PCDHGB3: variants seen among roughly 807,000 people sequenced by gnomAD.
PCDHGB3 encodes protocadherin gamma-B3.
In PCDHGB3, 40 loss-of-function variants were observed where a neutral mutation model predicts 59.2. That is an observed-to-expected ratio of 0.68 (90% CI 0.52 to 0.88). The LOEUF (loss-of-function observed/expected upper bound fraction) is 0.88, where lower values mean the gene tolerates loss of function less well. PCDHGB3 is among the 40% of genes least tolerant of loss of function. The probability of loss-of-function intolerance (pLI) is 0.00; values close to 1 mark genes in which losing one functional copy is unlikely to be tolerated. For missense variants in PCDHGB3, 1,309 were observed against 1,187.9 expected, an observed-to-expected ratio of 1.10 and a Z score of -1.50; for synonymous variants, 581 against 503.6, an observed-to-expected ratio of 1.15 and a Z score of -2.06.
At chr5:141,388,941 C>A (rs191165529) in intron 1 of PCDHGB3, 1 of 1,613,962 alleles carries the variant, frequency 6.2e-7, no homozygotes, top group South Asian at 1.1e-5. Context: ...TCTACCCAAC[C>A]TAATTATGGA....
intron 1 of PCDHGB3, among the ~76,000 whole-genome samples, chr5:141,461,958 G>C (rs1048690044): frequency 4.5e-4 from 69 of 152,272 alleles, no homozygotes; most frequent in Non-Finnish European, 2.9e-4. Context: ...TGAGTAGCTG[G>C]GATTCCAGGC....
chr5:141,374,837 C>T (rs1240795815), intron 1 of PCDHGB3: 1 of 1,613,766 alleles, frequency 6.2e-7, no homozygotes, highest in Non-Finnish European at 8.5e-7. Flanking sequence ...TGTAAGTGTT[C>T]CTGAAAACCT....
At chr5:141,441,859 G>T in intron 1 of PCDHGB3, 1 of 348,078 alleles carries the variant, frequency 2.9e-6, no homozygotes. Context: ...GGTGCTGCAC[G>T]CCGCGGAGCC....
chr5:141,436,048 T>G (rs553708148), intron 1 of PCDHGB3, among the ~76,000 whole-genome samples: 1 of 152,316 alleles, frequency 6.6e-6, no homozygotes, highest in South Asian at 2.1e-4. Context: ...TACATTAGTT[T>G]TCAAATAGAA....
intron 1 of PCDHGB3, among the ~76,000 whole-genome samples, chr5:141,482,988 G>A (rs982148755): frequency 2.6e-5 from 4 of 152,112 alleles, no homozygotes; most frequent in South Asian, 2.1e-4. Context: ...GAGAGGTCGA[G>A]GCAGGAGAAT....
chr5:141,427,775 G>A (rs768191014), intron 1 of PCDHGB3: 35 of 1,424,948 alleles, frequency 2.5e-5, no homozygotes, highest in Non-Finnish European at 2.9e-5. Context: ...TGGAGCTGCG[G>A]GCACTGTCGT....
intron 1 of PCDHGB3, chr5:141,393,579 C>A: frequency 6.2e-7 from 1 of 1,613,888 alleles, no homozygotes; most frequent in South Asian, 1.1e-5. Flanking sequence ...TGAGAACATG[C>A]CCCCAGGCAC....
In PCDHGB3 at chr5:141,477,406, A is replaced by G. The variant is rs1004061582; in HGVS notation, c.2416-17401A>G. The G allele has an allele frequency of 6.2e-7, 1 of 1,614,154 alleles. No individual in the cohort carries two copies. Among genetic ancestry groups the G allele is most frequent in the Non-Finnish European group, 8.5e-7 (1 of 1,180,040 alleles). The stretch of plus-strand genomic sequence containing the variant: ...AATACAACCTCAGCATCACCGCCCG[A>G]GACGCCGGAACCCCTTCCCTCTCAG... On this transcript the variant is annotated intron_variant, in intron 1 of 3. Transcript: ENST00000576222. The surrounding 1 kb of genome is among the most constrained non-coding windows in gnomAD (Gnocchi z 4.9).
chr5:141,455,753 G>T (rs2098830630), intron 1 of PCDHGB3, among the ~76,000 whole-genome samples: 1 of 152,074 alleles, frequency 6.6e-6, no homozygotes, highest in Non-Finnish European at 1.5e-5. Flanking sequence ...TGCTGGCCTG[G>T]CTCCTAGAGC....
At chr5:141,470,323 A>G (rs1029928511) in intron 1 of PCDHGB3, among the ~76,000 whole-genome samples, 1 of 152,188 alleles carries the variant, frequency 6.6e-6, no homozygotes, top group Non-Finnish European at 1.5e-5. Context: ...AAATGATCCC[A>G]TAATTTGACC....
intron 1 of PCDHGB3, chr5:141,413,943 T>A: frequency 1.2e-6 from 2 of 1,613,420 alleles, no homozygotes; most frequent in Non-Finnish European, 1.7e-6. Context: ...TGAGTGTTCC[T>A]GAGAATTTGC....
chr5:141,395,101 C>A (rs1197761808), intron 1 of PCDHGB3: 2 of 1,614,164 alleles, frequency 1.2e-6, no homozygotes, highest in East Asian at 4.5e-5. Context: ...ACCGCCGACT[C>A]GCGGAAGAGT....
Position 141,431,374 on chromosome 5 carries a change from GGCT to G in PCDHGB3, c.2415+58569_2415+58571del, listed in dbSNP as rs752583215. The G allele has an allele frequency of 1.7e-4, 275 of 1,613,980 alleles. No individual in the cohort carries two copies. Among genetic ancestry groups the G allele is most frequent in the Non-Finnish European group, 2.0e-4 (238 of 1,180,036 alleles). On this transcript the variant is annotated intron_variant, in intron 1 of 3. Coordinates refer to ENST00000576222, the MANE Select transcript of PCDHGB3 (RefSeq NM_018924.5). This position sits in a 1 kb window ranked among gnomAD's most constrained non-coding sequence, Gnocchi z 4.8. Reference sequence around the variant, plus strand: ...AACGCGCCCTGGACCGCGAAGAAAAGGCTGCTCACCACCTGGTCCTTACGGCCT... The same window carrying G: ...AACGCGCCCTGGACCGCGAAGAAAAGGCTCACCACCTGGTCCTTACGGCCT...
chr5:141,370,950 C>T lies in PCDHGB3; in HGVS notation c.556C>T (p.Leu186=), dbSNP rs78666647. Reference sequence around the variant, plus strand: ...CTTCTCTTTGATTCAGAAGGAGAACCTGGATGGCAGTAGGTACCCAGAGCT... The same window carrying T: ...CTTCTCTTTGATTCAGAAGGAGAACTTGGATGGCAGTAGGTACCCAGAGCT... ...PHFSLIQKEN[L]DGSRYPELVL... is the part of the protein sequence containing the mutation. The change falls in exon 1 of 4, where the codon CTG becomes TTG. Residue 186 remains leucine, a synonymous_variant. Coordinates refer to ENST00000576222, the MANE Select transcript of PCDHGB3 (RefSeq NM_018924.5). 0.038 allele frequency: 61,748 copies of T among 1,613,994 alleles called. 1,384 individuals are homozygous for T. The highest frequency in any genetic ancestry group is 0.054 in the Middle Eastern group (327 of 6,062).
At position 141,372,826 on chromosome 5, in the gene PCDHGB3, C is replaced by G; in HGVS notation, c.2415+17C>G. 1 of 1,554,742 alleles carries G rather than the reference C, an allele frequency of 6.4e-7. No individual in the cohort carries two copies. Among genetic ancestry groups the G allele is most frequent in the Middle Eastern group, 1.7e-4 (1 of 5,886 alleles). ...TTGCAAAAGGTGAGTTTCTTCAAAC[C>G]TTTCCTTCCATAAATATAATTGGGT... On this transcript the variant is annotated intron_variant, in intron 1 of 3. Transcript: ENST00000576222.
Position 141,487,544 on chromosome 5 carries a change from C to A in PCDHGB3, c.2416-7263C>A. 1 of 1,614,190 alleles carries A rather than the reference C, an allele frequency of 6.2e-7. No homozygotes were observed. The highest frequency in any genetic ancestry group is 1.1e-5 in the South Asian group (1 of 91,088). On this transcript the variant is annotated intron_variant, in intron 1 of 3. Transcript: ENST00000576222. This position sits in a 1 kb window ranked among gnomAD's most constrained non-coding sequence, Gnocchi z 5.0. ...TGATAGCTTCATGATGGTGAAGTCA[C>A]CCAGTGCACCTATGGCAGGGGAGCC... is the stretch of plus-strand genomic sequence containing the variant.
At chr5:141,379,831 C>G (rs1242791393) in intron 1 of PCDHGB3, among the ~76,000 whole-genome samples, 1 of 142,262 alleles carries the variant, frequency 7.0e-6, no homozygotes, top group Non-Finnish European at 1.5e-5. Flanking sequence ...TTTGAAGCAT[C>G]AGGAAAAAAA....
chr5:141,409,102 G>T, intron 1 of PCDHGB3: 2 of 1,613,996 alleles, frequency 1.2e-6, no homozygotes, highest in Non-Finnish European at 8.5e-7. Flanking sequence ...AAACAGGTAT[G>T]ATTAAGAATA....
intron 1 of PCDHGB3, chr5:141,433,253 G>T: frequency 7.1e-7 from 1 of 1,416,466 alleles, no homozygotes; most frequent in South Asian, 1.3e-5. Flanking sequence ...GAATGCAGCG[G>T]TACGATCATA....
Sources: gnomAD v4.1 joint callset for allele counts (sites outside exome capture counted in the v4.1 genomes callset) on GRCh38, gnomAD v4.1.1 for gene constraint, Gnocchi (gnomAD v3.1) non-coding constraint, MANE v1.5 for transcripts, NCBI Gene and HGNC (gene_info 2026-07-23, HGNC 2026-07-21) for gene names.